TERB2: variants seen among roughly 807,000 people sequenced by gnomAD.
TERB2 encodes the protein telomere repeats-binding bouquet formation protein 2.
TERB2 carries 26 observed loss-of-function variants against 29.8 expected under a neutral mutation model. The ratio of observed to expected loss-of-function variants is 0.87; its 90% confidence interval spans 0.64 to 1.21. The LOEUF is 1.21. TERB2 is among the 50% of genes most tolerant of loss of function. TERB2 has a pLI of 0.00. For missense variants in TERB2, 240 were observed against 268.6 expected (o/e 0.89, Z 0.74); for synonymous variants, 80 against 90.8 (o/e 0.88, Z 0.68).
At chr15:44,973,217 A>C (rs1891996814) in intron 5 of TERB2, among the ~76,000 whole-genome samples, 1 of 152,212 alleles carries the variant, frequency 6.6e-6, no homozygotes, top group South Asian at 2.1e-4. Context: ...TAAACTATGG[A>C]AATACTAGTT....
At chr15:44,978,002 C>A (rs566725400) in intron 6 of TERB2, among the ~76,000 whole-genome samples, 50 of 152,226 alleles carry the variant, frequency 3.3e-4, no homozygotes, top group African/African-American at 1.1e-3. Context: ...TCTTTGTTGA[C>A]TGAGCAGTAA....
At chr15:44,967,366 C>T (rs879243146) in intron 5 of TERB2, among the ~76,000 whole-genome samples, 4 of 152,210 alleles carry the variant, frequency 2.6e-5, no homozygotes, top group African/African-American at 9.6e-5. Flanking sequence ...CAGTCCCAAG[C>T]TGGGGCCAGT....
At chr15:44,971,724 C>G (rs1891973030) in intron 5 of TERB2, among the ~76,000 whole-genome samples, 1 of 151,930 alleles carries the variant, frequency 6.6e-6, no homozygotes, top group Non-Finnish European at 1.5e-5. Flanking sequence ...CCACTGCACT[C>G]CAGCCTGGGT....
intron 2 of TERB2, among the ~76,000 whole-genome samples, chr15:44,957,334 A>C (rs936888991): frequency 2.2e-4 from 33 of 152,170 alleles, no homozygotes; most frequent in Non-Finnish European, 1.2e-4. Context: ...GAGGGAAAGA[A>C]ATAGACAACC....
At chr15:44,975,674 G>A (rs1892035732) in intron 6 of TERB2, among the ~76,000 whole-genome samples, 1 of 151,770 alleles carries the variant, frequency 6.6e-6, no homozygotes, top group Non-Finnish European at 1.5e-5. Flanking sequence ...TATTTACCTT[G>A]GCATCTGCCC....
intron 4 of TERB2, among the ~76,000 whole-genome samples, chr15:44,962,093 G>C (rs1891813887): frequency 6.6e-6 from 1 of 151,850 alleles, no homozygotes; most frequent in Non-Finnish European, 1.5e-5. Context: ...AGGTTATTTT[G>C]TATAAATAAA....
At chr15:44,966,660 A>G (rs1454259608) in intron 5 of TERB2, among the ~76,000 whole-genome samples, 1 of 152,120 alleles carries the variant, frequency 6.6e-6, no homozygotes, top group Non-Finnish European at 1.5e-5. Context: ...CCCCATCATC[A>G]CACTTATGAA....
chr15:44,971,981 CTTTTTTTT>C (rs71111900), intron 5 of TERB2, among the ~76,000 whole-genome samples: 41 of 66,360 alleles, frequency 6.2e-4, no homozygotes, highest in African/African-American at 2.3e-3. Flanking sequence ...GAAATAGAAG[CTTTTTTTT>C]TTTTTTTTTT....
intron 5 of TERB2, among the ~76,000 whole-genome samples, chr15:44,966,792 A>G (rs1298271227): frequency 2.0e-5 from 3 of 152,294 alleles, no homozygotes; most frequent in Non-Finnish European, 4.4e-5. Context: ...TTGCTTTAAT[A>G]TATTACGTTG....
chr15:44,967,745 GA>G (rs1325852810), intron 5 of TERB2, among the ~76,000 whole-genome samples: 1 of 142,916 alleles, frequency 7.0e-6, no homozygotes, highest in East Asian at 2.0e-4. Flanking sequence ...GCCAGGAGTG[GA>G]ATCAGGGGAG....
chr15:44,969,400 G>A (rs567826805), intron 5 of TERB2, among the ~76,000 whole-genome samples: 7 of 151,926 alleles, frequency 4.6e-5, no homozygotes, highest in Non-Finnish European at 1.0e-4. Context: ...GCGCCAACTC[G>A]CCCAGCCTAA....
intron 4 of TERB2, among the ~76,000 whole-genome samples, chr15:44,965,604 T>A (rs974859978): frequency 7.6e-5 from 11 of 144,976 alleles, no homozygotes; most frequent in East Asian, 2.0e-4. Flanking sequence ...GATTTATATA[T>A]TTAATAGATA....
At chr15:44,976,912 A>G (rs554781629) in intron 6 of TERB2, among the ~76,000 whole-genome samples, 3 of 152,192 alleles carry the variant, frequency 2.0e-5, no homozygotes, top group Non-Finnish European at 2.9e-5. Context: ...TTAGGTGATC[A>G]AAACTCTAAG....
chr15:44,957,258 AAAAT>A (rs1891730894), intron 2 of TERB2, among the ~76,000 whole-genome samples: 2 of 151,850 alleles, frequency 1.3e-5, no homozygotes, highest in South Asian at 2.1e-4. Context: ...AATAAAATAA[AAAAT>A]AAATAAATAA....
At position 44,966,936 on chromosome 15, in the gene TERB2, A is replaced by G. The variant is rs144278270; in HGVS notation, c.434+693A>G. On this transcript the variant is annotated intron_variant, in intron 5 of 6. Transcript: ENST00000340827. ...CAGCATAGGGATACCCCACCTCTAT[A>G]AAAAATTTAAAATACTAGCTGGGCA... 5.9e-5 allele frequency among the ~76,000 whole-genome samples: 9 copies of G among 152,148 alleles called. No individual in the cohort carries two copies. The East Asian group carries it at 7.7e-4, about 13-fold the overall frequency.
intron 2 of TERB2, among the ~76,000 whole-genome samples, chr15:44,957,363 A>G (rs897031508): frequency 1.3e-5 from 2 of 152,144 alleles, no homozygotes; most frequent in African/African-American, 4.8e-5. Context: ...TTTCTGCTGC[A>G]GTGTCACAGG....
chr15:44,962,518 C>T (rs367667843), intron 4 of TERB2, among the ~76,000 whole-genome samples: 12 of 151,930 alleles, frequency 7.9e-5, no homozygotes, highest in Admixed American at 5.2e-4. Context: ...CCAGTGTAGA[C>T]TCTGATTGGT....
At chr15:44,961,044 T>A (rs1417864348) in intron 3 of TERB2, among the ~76,000 whole-genome samples, 1 of 151,496 alleles carries the variant, frequency 6.6e-6, no homozygotes, top group Non-Finnish European at 1.5e-5. Flanking sequence ...GAGAGATATA[T>A]ATCTATAAAT....
intron 3 of TERB2, 99 bp downstream of exon 3, chr15:44,958,611 A>C: frequency 7.6e-7 from 1 of 1,315,052 alleles, no homozygotes; most frequent in Non-Finnish European, 1.0e-6. Flanking sequence ...GTTCTCAGTC[A>C]CATATTTTTG....
Sources: allele counts gnomAD v4.1 joint callset (sites outside exome capture counted in the v4.1 genomes callset), GRCh38; gene constraint gnomAD v4.1.1; transcripts MANE v1.5; gene names NCBI Gene and HGNC (gene_info 2026-07-23, HGNC 2026-07-21).